Variants in DCX observed in about 807,000 individuals in gnomAD.
The protein encoded by DCX is neuronal migration protein doublecortin.
DCX carries 4 observed loss-of-function variants against 20.9 expected under a neutral mutation model. The ratio of observed to expected loss-of-function variants is 0.19; its 90% confidence interval spans 0.09 to 0.44. DCX has a LOEUF of 0.44. DCX is among the 20% of genes least tolerant of loss of function. The probability of loss-of-function intolerance (pLI) is 0.99; values close to 1 mark genes in which losing one functional copy is unlikely to be tolerated. For missense variants in DCX, 133 were observed against 296.9 expected, an observed-to-expected ratio of 0.45 and a Z score of 4.06; for synonymous variants, 103 against 111.4, an observed-to-expected ratio of 0.92 and a Z score of 0.47.
At chrX:111,353,536 C>A (rs1923491575) in intron 3 of DCX, among the ~76,000 whole-genome samples, 1 of 111,621 alleles carries the variant, frequency 9.0e-6, no homozygotes, top group Non-Finnish European at 1.9e-5. Flanking sequence ...AGAGAGAAAT[C>A]TACTGTCTTT....
chrX:111,338,528 T>C (rs1381232266), intron 3 of DCX, among the ~76,000 whole-genome samples: 2 of 111,031 alleles, frequency 1.8e-5, no homozygotes, highest in Non-Finnish European at 3.8e-5. Context: ...CAGTCAGAGG[T>C]TGACACAGAG....
intron 3 of DCX, among the ~76,000 whole-genome samples, chrX:111,372,624 G>T (rs1321688853): frequency 9.0e-6 from 1 of 111,580 alleles, no homozygotes; most frequent in Non-Finnish European, 1.9e-5. Flanking sequence ...TCACAGGTTA[G>T]ATGATAGTTG....
intron 3 of DCX, among the ~76,000 whole-genome samples, chrX:111,350,482 G>A (rs1054151563): frequency 1.8e-5 from 2 of 111,880 alleles, no homozygotes; most frequent in Non-Finnish European, 3.8e-5. Context: ...TATGGATAAC[G>A]AAACTGAGGG....
intron 2 of DCX, among the ~76,000 whole-genome samples, chrX:111,409,530 G>T (rs369305465): frequency 1.1e-4 from 12 of 111,750 alleles, no homozygotes; most frequent in East Asian, 5.6e-4. Flanking sequence ...CAGCTGAGCC[G>T]CGACCACTTA....
chrX:111,356,195 A>G (rs1333160481), intron 3 of DCX, among the ~76,000 whole-genome samples: 1 of 112,864 alleles, frequency 8.9e-6, no homozygotes, highest in Non-Finnish European at 1.9e-5. Context: ...TACACAAATA[A>G]GGGTTGATGG....
At chrX:111,365,488 A>G (rs1924550887) in intron 3 of DCX, among the ~76,000 whole-genome samples, 1 of 110,441 alleles carries the variant, frequency 9.1e-6, no homozygotes, top group Non-Finnish European at 1.9e-5. Context: ...TGAGTTACAA[A>G]GAATCCAATT....
intron 3 of DCX, among the ~76,000 whole-genome samples, chrX:111,345,925 T>C (rs968309952): frequency 3.6e-5 from 4 of 111,252 alleles, no homozygotes; most frequent in Non-Finnish European, 7.5e-5. Flanking sequence ...GACTTTTTAA[T>C]AATCACCATT....
chrX:111,294,337 A>G lies in DCX; in HGVS notation c.*7350T>C, dbSNP rs369895441. On this transcript the variant is annotated 3_prime_UTR_variant, in exon 7 of 7. Coordinates refer to ENST00000636035, the MANE Select transcript of DCX (RefSeq NM_001195553.2). ...TTTTTTCTTTTTTTTTCAAATAATT[A>G]TTGGTCATCGGTCAAGCAGAGTCTT... 9 of 108,535 alleles carry G rather than the reference A, an allele frequency of 8.3e-5. No individual in the cohort carries two copies. In the East Asian group the frequency reaches 1.7e-3, roughly 21 times the overall value. The allele number at this position is 108,535 out of a possible 1,213,427, so 8.9% of individuals were successfully genotyped here.
At chrX:111,355,002 C>A (rs746637952) in intron 3 of DCX, among the ~76,000 whole-genome samples, 2 of 112,298 alleles carry the variant, frequency 1.8e-5, no homozygotes, top group Non-Finnish European at 3.8e-5. Flanking sequence ...ACCCACAGCA[C>A]TAAGCGAAGA....
chrX:111,346,908 G>A (rs1415006439), intron 3 of DCX, among the ~76,000 whole-genome samples: 2 of 111,041 alleles, frequency 1.8e-5, no homozygotes, highest in Non-Finnish European at 3.8e-5. Context: ...GTAGCCAAAA[G>A]GCCTTTTAAA....
At chrX:111,351,869 C>T (rs1923337518) in intron 3 of DCX, among the ~76,000 whole-genome samples, 1 of 111,576 alleles carries the variant, frequency 9.0e-6, no homozygotes, top group South Asian at 3.8e-4. Flanking sequence ...GGACTACAGG[C>T]GCAAGTCACC....
chrX:111,298,950 T>C lies in DCX; in HGVS notation c.*2737A>G, dbSNP rs374103647. 2 of 103,888 alleles carry C rather than the reference T, an allele frequency of 1.9e-5. No homozygotes were observed. Among genetic ancestry groups the C allele is most frequent in the South Asian group, 4.3e-4 (1 of 2,318 alleles). The allele number at this position is 103,888 out of a possible 1,213,427, so 8.6% of individuals were successfully genotyped here. A position where few individuals can be genotyped will look rare whatever the true frequency, so the allele number is the denominator to read the frequency against. The stretch of plus-strand genomic sequence containing the variant: ...GAGGTAGGAACAAGCAAGAGATGGA[T>C]TGTGTGTGTGTGTGTGTGTGTGTGT... On this transcript the variant is annotated 3_prime_UTR_variant, in exon 7 of 7. Transcript: ENST00000636035.
intron 3 of DCX, among the ~76,000 whole-genome samples, chrX:111,345,001 G>T (rs1057189634): frequency 8.9e-6 from 1 of 111,968 alleles, no homozygotes; most frequent in Non-Finnish European, 1.9e-5. Flanking sequence ...ATACTAGAAG[G>T]CTACAGTAAC....
At chrX:111,324,173 T>C (rs1339302992) in intron 5 of DCX, among the ~76,000 whole-genome samples, 1 of 111,734 alleles carries the variant, frequency 8.9e-6, no homozygotes, top group Admixed American at 9.5e-5. Flanking sequence ...AGAAGGAAGA[T>C]CGGGGCTGGA....
In DCX at chrX:111,351,135, G is replaced by C. The variant is rs187571193; in HGVS notation, c.706-17982C>G. 2.7e-5 allele frequency among the ~76,000 whole-genome samples: 3 copies of C among 111,920 alleles called. No homozygotes were observed. The East Asian group carries it at 8.5e-4, about 32-fold the overall frequency. ...CAGCCAAACCATACCAGTCAGTATG[G>C]GGGCTCATGAGGGAACAAGCTGAGT... On this transcript the variant is annotated intron_variant, in intron 3 of 6. Coordinates refer to ENST00000636035, the MANE Select transcript of DCX (RefSeq NM_001195553.2).
Position 111,312,502 on chromosome X carries a change from A to G in DCX, c.1044+137T>C, listed in dbSNP as rs1603412722. The G allele has an allele frequency of 5.4e-6, 3 of 552,952 alleles. No homozygotes were observed. The East Asian group carries it at 1.1e-4, about 20-fold the overall frequency. The allele number at this position is 552,952 out of a possible 1,213,427, so 45.6% of individuals were successfully genotyped here. A position where few individuals can be genotyped will look rare whatever the true frequency, so the allele number is the denominator to read the frequency against. On this transcript the variant is annotated intron_variant, in intron 6 of 6. Coordinates refer to ENST00000636035, the MANE Select transcript of DCX (RefSeq NM_001195553.2). ...GCTTGCTCCCTGCTTGGATTCGCAG[A>G]ACTTCAAGCTAATGAAGCCAGATGA...
At chrX:111,342,358 T>C (rs1467477367) in intron 3 of DCX, among the ~76,000 whole-genome samples, 2 of 72,779 alleles carry the variant, frequency 2.7e-5, no homozygotes, top group Non-Finnish European at 5.5e-5. Context: ...TATATATATA[T>C]ATATATATAT....
intron 3 of DCX, among the ~76,000 whole-genome samples, chrX:111,399,722 A>G (rs1411151972): frequency 8.9e-6 from 1 of 111,978 alleles, no homozygotes; most frequent in Non-Finnish European, 1.9e-5. Flanking sequence ...TTTATTACAT[A>G]CATGGTGCTT....
chrX:111,356,829 A>C (rs890769561), intron 3 of DCX, among the ~76,000 whole-genome samples: 1 of 112,025 alleles, frequency 8.9e-6, no homozygotes, highest in African/African-American at 3.2e-5. Flanking sequence ...AAGTTTCTAA[A>C]CTTTGCGAGA....
Sources: allele counts gnomAD v4.1 joint callset (sites outside exome capture counted in the v4.1 genomes callset), GRCh38; gene constraint gnomAD v4.1.1; transcripts MANE v1.5; gene names NCBI Gene and HGNC (gene_info 2026-07-23, HGNC 2026-07-21).